GIGYF2: variants seen among roughly 807,000 people sequenced by gnomAD.
GIGYF2 encodes GRB10 interacting GYF protein 2.
In GIGYF2, 25 loss-of-function variants were observed where a neutral mutation model predicts 208.1. That is an observed-to-expected ratio of 0.12 (90% CI 0.09 to 0.17). The LOEUF (loss-of-function observed/expected upper bound fraction) is 0.17, where lower values mean the gene tolerates loss of function less well. Ranked by LOEUF, GIGYF2 falls within the 10% of genes least tolerant of loss-of-function variation. The probability of loss-of-function intolerance (pLI) is 1.00; values close to 1 mark genes in which losing one functional copy is unlikely to be tolerated. For missense variants in GIGYF2, 1,302 were observed against 1,579.4 expected (o/e 0.82, Z 2.98); for synonymous variants, 534 against 543.8 (o/e 0.98, Z 0.25).
chr2:232,709,305 A>C (rs1696273495), intron 2 of GIGYF2, among the ~76,000 whole-genome samples: 1 of 152,116 alleles, frequency 6.6e-6, no homozygotes, highest in Admixed American at 6.5e-5. Flanking sequence ...TGCTATTACT[A>C]TGTAAGTAGG....
chr2:232,708,656 A>C (rs1696242629), intron 2 of GIGYF2, among the ~76,000 whole-genome samples: 3 of 134,774 alleles, frequency 2.2e-5, no homozygotes, highest in African/African-American at 8.5e-5. Context: ...GCAACATGGC[A>C]AAACCTCATT....
chr2:232,797,981 CAAAAAAAAAAAA>C (rs57991158), intron 14 of GIGYF2, among the ~76,000 whole-genome samples: 45,150 of 102,556 alleles, frequency 0.44, 7,688 homozygotes, highest in South Asian at 0.66. Context: ...ACTGTGCCTC[CAAAAAAAAAAAA>C]AAAAAAAAAA....
Position 232,735,248 on chromosome 2 carries a change from CAA to C in GIGYF2, c.41+13_41+14del, listed in dbSNP as rs750707732. On this transcript the variant is annotated intron_variant, in intron 3 of 28. Transcript: ENST00000373563. Reference sequence around the variant, plus strand: ...ACTTTGGGCCTGAATGGTGAGTTTTCAAAATCTCATCTTCTTTGATATTGGAT... The same window carrying C: ...ACTTTGGGCCTGAATGGTGAGTTTTCAATCTCATCTTCTTTGATATTGGAT... The C allele has an allele frequency of 3.1e-5, 49 of 1,581,744 alleles. No homozygotes were observed. Among genetic ancestry groups the C allele is most frequent in the Non-Finnish European group, 9.6e-6 (11 of 1,150,680 alleles).
At chr2:232,836,055 C>T (rs1208945955) in intron 22 of GIGYF2, among the ~76,000 whole-genome samples, 1 of 151,230 alleles carries the variant, frequency 6.6e-6, no homozygotes, top group Admixed American at 6.6e-5. Context: ...GAAAAAAAAC[C>T]TGCGAGTTAG....
chr2:232,751,285 G>C (rs928306165), intron 5 of GIGYF2, among the ~76,000 whole-genome samples: 1 of 152,188 alleles, frequency 6.6e-6, no homozygotes, highest in Non-Finnish European at 1.5e-5. Flanking sequence ...CACAGTCTCG[G>C]CTCACTGCAA....
intron 8 of GIGYF2, among the ~76,000 whole-genome samples, chr2:232,784,528 C>CT (rs1699843314): frequency 6.8e-6 from 1 of 147,638 alleles, no homozygotes; most frequent in Admixed American, 6.9e-5. Flanking sequence ...TAGCTTGGGA[C>CT]TACAGGCGCC....
At position 232,756,705 on chromosome 2, in the gene GIGYF2, C is replaced by T. The variant is rs77312597; in HGVS notation, c.379+371C>T. Among the ~76,000 whole-genome samples, 22 of 152,276 alleles carry T rather than the reference C, an allele frequency of 1.4e-4. No homozygotes were observed. In the East Asian group the frequency reaches 4.1e-3, roughly 28 times the overall value. The stretch of plus-strand genomic sequence containing the variant: ...TACCTGCAGTCCTCTGTGACAGTTT[C>T]TGTGTGAGGGGCGTGTGCCAAGAGC... On this transcript the variant is annotated intron_variant, in intron 6 of 28. Coordinates refer to ENST00000373563, the MANE Select transcript of GIGYF2 (RefSeq NM_001103146.3).
intron 2 of GIGYF2, among the ~76,000 whole-genome samples, chr2:232,720,666 C>T (rs1054980069): frequency 6.6e-6 from 1 of 151,654 alleles, no homozygotes; most frequent in Non-Finnish European, 1.5e-5. Context: ...GTGATCTCAG[C>T]TTACTGCAAC....
chr2:232,804,640 C>T (rs972649313), intron 14 of GIGYF2, among the ~76,000 whole-genome samples: 6 of 151,940 alleles, frequency 3.9e-5, no homozygotes, highest in African/African-American at 9.7e-5. Context: ...TACAGGCATG[C>T]GCCACCATGC....
At chr2:232,747,879 T>C (rs1698203646) in intron 4 of GIGYF2, 135 bp downstream of exon 4, 2 of 818,542 alleles carry the variant, frequency 2.4e-6, no homozygotes, top group Non-Finnish European at 4.0e-6. Context: ...GTTTCCCTGC[T>C]TTGAAGCCTG....
chr2:232,770,447 A>C (rs531547454), intron 8 of GIGYF2, among the ~76,000 whole-genome samples: 19 of 152,228 alleles, frequency 1.2e-4, no homozygotes, highest in Non-Finnish European at 2.5e-4. Context: ...GTAAATGTTG[A>C]AAAGATGAAC....
At position 232,720,994 on chromosome 2, in the gene GIGYF2, C is replaced by T. The variant is rs139752917; in HGVS notation, c.-43-14161C>T. ...TTGGAATAGCCAAAGAGAGAAAAGG[C>T]CAGAGGAGGGAGGGAAGAACCCGAT... is the stretch of plus-strand genomic sequence containing the variant. On this transcript the variant is annotated intron_variant, in intron 2 of 28. Transcript: ENST00000373563. Among the ~76,000 whole-genome samples the T allele has an allele frequency of 6.1e-4, 93 of 152,254 alleles. 3 individuals are homozygous for T. Among genetic ancestry groups the T allele is most frequent in the African/African-American group, 2.0e-3 (85 of 41,542 alleles).
At chr2:232,709,004 C>A (rs1696260465) in intron 2 of GIGYF2, among the ~76,000 whole-genome samples, 1 of 152,080 alleles carries the variant, frequency 6.6e-6, no homozygotes, top group African/African-American at 2.4e-5. Context: ...CACCTGTAAT[C>A]CCAGCTACGC....
At chr2:232,830,169 A>T (rs1701385540) in intron 21 of GIGYF2, among the ~76,000 whole-genome samples, 2 of 151,954 alleles carry the variant, frequency 1.3e-5, no homozygotes, top group Admixed American at 6.6e-5. Flanking sequence ...GTTTTTGGAG[A>T]CAGGAGTCTC....
chr2:232,720,380 G>C (rs1204371488), intron 2 of GIGYF2, among the ~76,000 whole-genome samples: 1 of 152,102 alleles, frequency 6.6e-6, no homozygotes. Context: ...TTGCTATTGT[G>C]AATAGTGCTA....
At chr2:232,733,371 G>C (rs1468253648) in intron 2 of GIGYF2, among the ~76,000 whole-genome samples, 1 of 152,146 alleles carries the variant, frequency 6.6e-6, no homozygotes, top group Non-Finnish European at 1.5e-5. Context: ...GTAAGAACAG[G>C]ATAATCTCCC....
At chr2:232,733,730 C>G (rs1412915331) in intron 2 of GIGYF2, among the ~76,000 whole-genome samples, 3 of 152,154 alleles carry the variant, frequency 2.0e-5, no homozygotes, top group Admixed American at 1.3e-4. Context: ...TTGCGTATAA[C>G]CTATGTACAT....
chr2:232,740,411 GAGTT>G (rs1367798476), intron 3 of GIGYF2, among the ~76,000 whole-genome samples: 1 of 152,198 alleles, frequency 6.6e-6, no homozygotes, highest in Non-Finnish European at 1.5e-5. Flanking sequence ...GCTCCTTTGG[GAGTT>G]TCCTCTGTCT....
chr2:232,810,629 C>T (rs1700706710), intron 16 of GIGYF2: 1 of 154,916 alleles, frequency 6.5e-6, no homozygotes, highest in African/African-American at 2.4e-5. Flanking sequence ...CTGAAACAGA[C>T]ACACCTGTTG....
Sources: allele counts gnomAD v4.1 joint callset (sites outside exome capture counted in the v4.1 genomes callset), GRCh38; gene constraint gnomAD v4.1.1; transcripts MANE v1.5; gene names NCBI Gene and HGNC (gene_info 2026-07-23, HGNC 2026-07-21).